RETREG3: variants seen among roughly 807,000 people sequenced by gnomAD.
The protein encoded by RETREG3 is reticulophagy regulator 3.
Under a neutral mutation model 50.2 loss-of-function variants are expected in RETREG3, and 23 were observed. The ratio of observed to expected loss-of-function variants is 0.46; its 90% CI spans 0.33 to 0.65. The LOEUF is 0.65. RETREG3 is among the 30% of genes least tolerant of loss of function. The pLI is 0.02. For missense variants in RETREG3, 546 were observed against 598.0 expected (o/e 0.91, Z 0.91); for synonymous variants, 240 against 234.4 (o/e 1.02, Z -0.22).
intron 1 of RETREG3, among the ~76,000 whole-genome samples, chr17:42,593,867 C>T (rs1261651316): frequency 6.6e-6 from 1 of 151,796 alleles, no homozygotes; most frequent in African/African-American, 2.4e-5. Context: ...CCCTTTTTTC[C>T]CCCTAAGTAA....
chr17:42,595,258 C>T (rs2093141792), intron 1 of RETREG3, among the ~76,000 whole-genome samples: 1 of 151,918 alleles, frequency 6.6e-6, no homozygotes, highest in Admixed American at 6.6e-5. Flanking sequence ...TGAGCCACTG[C>T]GCCTGGCCTT....
chr17:42,591,472 C>T (rs1454042320), intron 2 of RETREG3, among the ~76,000 whole-genome samples: 2 of 152,102 alleles, frequency 1.3e-5, no homozygotes, highest in East Asian at 3.9e-4. Flanking sequence ...TCCTTAGTGG[C>T]TGAGATTACA....
At chr17:42,607,936 G>C (rs1287405020) in intron 1 of RETREG3, among the ~76,000 whole-genome samples, 1 of 152,160 alleles carries the variant, frequency 6.6e-6, no homozygotes, top group Non-Finnish European at 1.5e-5. Context: ...CCTTTAACTG[G>C]GTCTCTTTCA....
chr17:42,586,896 G>A lies in RETREG3; in HGVS notation c.378-5C>T, dbSNP rs2093122500. 2 of 1,613,334 alleles carry A rather than the reference G, an allele frequency of 1.2e-6. No individual in the cohort carries two copies. Among genetic ancestry groups the A allele is most frequent in the Non-Finnish European group, 1.7e-6 (2 of 1,179,820 alleles). On this transcript the variant is annotated splice_polypyrimidine_tract_variant and splice_region_variant and intron_variant, in intron 3 of 8. Coordinates refer to ENST00000309428, the MANE Select transcript of RETREG3 (RefSeq NM_178126.4). ...CGAGGGTGCACAAAGCCCCAGCTAT[G>A]GGAGAGAGAAGGGGGAGCTGTGAAA...
chr17:42,597,445 C>A (rs1391094082), intron 1 of RETREG3, among the ~76,000 whole-genome samples: 9 of 148,356 alleles, frequency 6.1e-5, no homozygotes, highest in Admixed American at 5.4e-4. Context: ...CCTCGGCATC[C>A]CAAAGTGCTG....
chr17:42,593,232 G>A (rs2093136609), intron 1 of RETREG3, among the ~76,000 whole-genome samples: 1 of 152,012 alleles, frequency 6.6e-6, no homozygotes, highest in Non-Finnish European at 1.5e-5. Context: ...TATACACCAT[G>A]AACAAATGAG....
chr17:42,609,087 A>G lies in RETREG3; in HGVS notation c.238T>C (p.Trp80Arg). The change falls in exon 1 of 9, where the codon TGG becomes CGG. Residue 80 changes from tryptophan to arginine, a missense_variant and splice_region_variant. Transcript: ENST00000309428. ...LWCLGLNAAF[W>R]FFALTSLRLV... ...TTTCCGAGGGTCCAGTTCTCTCACC[A>G]GAAAGCCGCGTTCAGCCCCAGGCAC... The G allele has an allele frequency of 6.2e-7, 1 of 1,605,212 alleles. No individual in the cohort carries two copies. The highest frequency in any genetic ancestry group is 8.5e-7 in the Non-Finnish European group (1 of 1,179,702).
intron 1 of RETREG3, among the ~76,000 whole-genome samples, chr17:42,597,617 ATATTTTTTTTTTTTTTTT>A (rs1567925565): frequency 0.04 from 588 of 14,790 alleles, 18 homozygotes; most frequent in African/African-American, 0.12. Context: ...ATATATATAT[ATATTTTTTTTTTTTTTTT>A]TTTTTTTTTT....
upstream of RETREG3, chr17:42,609,377 C>T: frequency 4.5e-6 from 7 of 1,547,298 alleles, no homozygotes; most frequent in Non-Finnish European, 6.1e-6. Context: ...GTCACAATAA[C>T]AGCAACTGCG....
intron 1 of RETREG3, among the ~76,000 whole-genome samples, chr17:42,604,738 AT>A (rs1294009680): frequency 1.3e-5 from 2 of 150,008 alleles, no homozygotes; most frequent in Non-Finnish European, 3.0e-5. Context: ...CTCAGCAGTT[AT>A]GTAGGCCTCC....
chr17:42,587,915 T>C, intron 2 of RETREG3, 51 bp from the exon 3 acceptor site: 1 of 1,608,814 alleles, frequency 6.2e-7, no homozygotes, highest in East Asian at 2.2e-5. Context: ...AAACTAAACA[T>C]GAAAATGTTA....
At chr17:42,601,039 G>C (rs1243850082) in intron 1 of RETREG3, among the ~76,000 whole-genome samples, 1 of 152,212 alleles carries the variant, frequency 6.6e-6, no homozygotes, top group Non-Finnish European at 1.5e-5. Context: ...ACTTTGGGAG[G>C]CTGAAGCAGG....
chr17:42,605,583 C>A (rs899441908), intron 1 of RETREG3, among the ~76,000 whole-genome samples: 2 of 152,204 alleles, frequency 1.3e-5, no homozygotes, highest in African/African-American at 2.4e-5. Context: ...CCAAACAATT[C>A]TGTGAACTCC....
intron 5 of RETREG3, among the ~76,000 whole-genome samples, chr17:42,585,749 C>A (rs1242548430): frequency 6.6e-6 from 1 of 152,172 alleles, no homozygotes; most frequent in African/African-American, 2.4e-5. Flanking sequence ...GTTCTGCTGA[C>A]AATACCCTGG....
intron 1 of RETREG3, chr17:42,605,365 T>A (rs1208967586): frequency 6.6e-6 from 1 of 152,160 alleles, no homozygotes; most frequent in African/African-American, 2.4e-5. Context: ...AAAGAGAAAC[T>A]AAATATTTCA....
In RETREG3 at chr17:42,581,886, T is replaced by A; in HGVS notation, c.1328A>T (p.Glu443Val). 1 of 1,613,756 alleles carries A rather than the reference T, an allele frequency of 6.2e-7. No homozygotes were observed. Among genetic ancestry groups the A allele is most frequent in the Non-Finnish European group, 8.5e-7 (1 of 1,179,748 alleles). The stretch of plus-strand genomic sequence containing the variant: ...GTCCAGAAGTTCAAAGTCATCCCCC[T>A]CAGCATCAGTGTCCAGGTCTGAACT... ...SPSSDLDTDAEGDDFELLDQS... is the reference protein window; with the variant it reads ...SPSSDLDTDAVGDDFELLDQS... The change falls in exon 9 of 9, where the codon GAG (glutamate) becomes GTG (valine). Residue 443 changes from glutamate (E) to valine (V), a missense_variant. Transcript: ENST00000309428.
intron 2 of RETREG3, among the ~76,000 whole-genome samples, chr17:42,589,906 A>C (rs984378403): frequency 6.6e-6 from 1 of 152,222 alleles, no homozygotes; most frequent in Non-Finnish European, 1.5e-5. Flanking sequence ...CTACTAAATT[A>C]ATCTTTATTA....
rs1346617745 is a variant in RETREG3, at chr17:42,609,238, C to T, written c.87G>A (p.Trp29Ter). The T allele has an allele frequency of 6.2e-7, 1 of 1,608,218 alleles. No individual in the cohort carries two copies. The highest frequency in any genetic ancestry group is 8.5e-7 in the Non-Finnish European group (1 of 1,179,828). The change falls in exon 1 of 9, where the codon TGG becomes TGA. Residue 29 changes from tryptophan (W) to a stop codon, truncating the protein, a stop_gained. Transcript: ENST00000309428. LOFTEE classifies it high-confidence loss of function. ...CCGCCTCAACCTGCTGGTCCCGCTCCCAGGAGCCTGACACATCTCGGCGGC... is the reference window on the plus strand; with the variant it reads ...CCGCCTCAACCTGCTGGTCCCGCTCTCAGGAGCCTGACACATCTCGGCGGC... ...FRGRRDVSGS[W>*]ERDQQVEAAQ...
At chr17:42,597,567 T>A (rs2093148342) in intron 1 of RETREG3, among the ~76,000 whole-genome samples, 1 of 111,980 alleles carries the variant, frequency 8.9e-6, no homozygotes, top group African/African-American at 3.6e-5. Flanking sequence ...TTTGTGTATA[T>A]ATATATTTTG....
Sources: allele counts gnomAD v4.1 joint callset (sites outside exome capture counted in the v4.1 genomes callset), GRCh38; gene constraint gnomAD v4.1.1; transcripts MANE v1.5; gene names NCBI Gene and HGNC (gene_info 2026-07-23, HGNC 2026-07-21).